ASXL3: variants seen among roughly 807,000 people sequenced by gnomAD.
ASXL3 encodes the protein putative Polycomb group protein ASXL3.
A neutral mutation model predicts 170.6 loss-of-function variants in ASXL3; 34 were observed. The ratio of observed to expected loss-of-function variants is 0.20; its 90% CI spans 0.15 to 0.27. ASXL3 has a LOEUF of 0.27. ASXL3 is among the 10% of genes least tolerant of loss of function. The probability of loss-of-function intolerance (pLI) is 1.00; values close to 1 mark genes in which losing one functional copy is unlikely to be tolerated. For synonymous variants in ASXL3, 1,002 were observed against 989.1 expected (o/e 1.01, Z -0.24); for missense variants, 2,592 against 2,695.3 (o/e 0.96, Z 0.85).
Position 33,738,852 on chromosome 18 carries a change from T to C in ASXL3, c.1448T>C (p.Leu483Pro), listed in dbSNP as rs1295480954. ...IPEFSEEAES[L>P]TNSHEEPQIA... ...GAATTTTCTGAGGAGGCTGAAAGTC[T>C]AACCAATTCTCATGAAGAACCCCAA... Residue 483 changes from leucine (L) to proline (P), a missense_variant, in exon 11 of 12, where the codon CTA becomes CCA. Leu to Pro is a moderately conservative substitution (Grantham distance 98, BLOSUM62 -3). Coordinates refer to ENST00000269197, the MANE Select transcript of ASXL3 (RefSeq NM_030632.3). 6.2e-7 allele frequency: 1 copy of C among 1,613,554 alleles called. No individual in the cohort carries two copies. The highest frequency in any genetic ancestry group is 2.2e-5 in the East Asian group (1 of 44,894).
intron 4 of ASXL3, 50 bp downstream of exon 4, chr18:33,646,403 T>A: frequency 7.6e-7 from 1 of 1,310,632 alleles, no homozygotes; most frequent in Non-Finnish European, 1.1e-6. Context: ...TTAAAAGTTA[T>A]ATAGAATGCC....
chr18:33,590,130 T>TTTTTTA (rs996027754), intron 1 of ASXL3, among the ~76,000 whole-genome samples: 2 of 139,724 alleles, frequency 1.4e-5, no homozygotes, highest in African/African-American at 5.8e-5. Flanking sequence ...TTTTTTTTTT[T>TTTTTTA]GCTTTGTTTT....
In ASXL3 at chr18:33,678,045, A is replaced by T. The variant is rs200672571; in HGVS notation, c.716-5360A>T. ...ACTGGGACTACAGGCATGCGCCATT[A>T]TGCCAATGTTAATTTTATTATTTAT... is the stretch of plus-strand genomic sequence containing the variant. On this transcript the variant is annotated intron_variant, in intron 7 of 11. Coordinates refer to ENST00000269197, the MANE Select transcript of ASXL3 (RefSeq NM_030632.3). Among the ~76,000 whole-genome samples the T allele has an allele frequency of 5.3e-5, 8 of 151,980 alleles. No homozygotes were observed. In the East Asian group the frequency reaches 1.5e-3, roughly 29 times the overall value.
chr18:33,693,461 A>G (rs1327943188), intron 8 of ASXL3, among the ~76,000 whole-genome samples: 3 of 152,208 alleles, frequency 2.0e-5, no homozygotes, highest in Non-Finnish European at 4.4e-5. Flanking sequence ...GAAGCAGGAA[A>G]GAAAGAGTAA....
In ASXL3 at chr18:33,744,914, C is replaced by T. The variant is rs571090157; in HGVS notation, c.5066C>T (p.Pro1689Leu). 1.2e-6 allele frequency: 2 copies of T among 1,614,010 alleles called. No homozygotes were observed. Among genetic ancestry groups the T allele is most frequent in the African/African-American group, 1.3e-5 (1 of 75,054 alleles). Residue 1689 changes from proline to leucine, a missense_variant, in exon 12 of 12, where the codon CCT (proline) becomes CTT (leucine). Pro to Leu is a moderately conservative substitution (Grantham distance 98, BLOSUM62 -3). This residue lies in a region of ASXL3 where 2,246 missense variants were observed against 2,219.6 expected (regional missense o/e 1.01). Coordinates refer to ENST00000269197, the MANE Select transcript of ASXL3 (RefSeq NM_030632.3). ...ATGGACACTGAAGACTTCCCTGGCC[C>T]TGAGCTGCCTCCTCCGGCTGCAGAG... is the stretch of plus-strand genomic sequence containing the variant. ...FRMDTEDFPG[P>L]ELPPPAAEGA... is the part of the protein sequence containing the mutation.
chr18:33,581,283 C>T (rs1017950682), intron 1 of ASXL3, among the ~76,000 whole-genome samples: 1 of 152,030 alleles, frequency 6.6e-6, no homozygotes, highest in Non-Finnish European at 1.5e-5. Context: ...GGGACTTTAG[C>T]CTTTTCTTCA....
At chr18:33,593,802 C>T (rs2065101022) in intron 1 of ASXL3, among the ~76,000 whole-genome samples, 1 of 152,118 alleles carries the variant, frequency 6.6e-6, no homozygotes, top group Non-Finnish European at 1.5e-5. Flanking sequence ...ATTCCTTTAT[C>T]TTTAAAATTT....
At chr18:33,595,019 A>G (rs917801116) in intron 1 of ASXL3, among the ~76,000 whole-genome samples, 8 of 152,172 alleles carry the variant, frequency 5.3e-5, no homozygotes, top group African/African-American at 1.9e-4. Flanking sequence ...ACAGGAACAC[A>G]CATTTTGCTT....
chr18:33,665,351 C>T (rs1187526561), intron 5 of ASXL3, among the ~76,000 whole-genome samples: 2 of 152,144 alleles, frequency 1.3e-5, no homozygotes, highest in Non-Finnish European at 2.9e-5. Flanking sequence ...ATATGTTTGA[C>T]CAATACTGTG....
In ASXL3 at chr18:33,644,975, T is replaced by C. The variant is rs766060251; in HGVS notation, c.219T>C (p.Pro73=). ...RIGDGTFFKI[P]GKSGLYALKK... ...GGGATGGAACATTCTTCAAAATCCC[T>C]GGAAAGTCAGGCCTCTATGCTCTCA... The change falls in exon 3 of 12, where the codon CCT becomes CCC. Residue 73 remains proline, a synonymous_variant. Coordinates refer to ENST00000269197, the MANE Select transcript of ASXL3 (RefSeq NM_030632.3). 6.4e-7 allele frequency: 1 copy of C among 1,571,150 alleles called. No individual in the cohort carries two copies. Among genetic ancestry groups the C allele is most frequent in the South Asian group, 1.2e-5 (1 of 85,512 alleles).
At chr18:33,724,136 A>C (rs534258953) in intron 8 of ASXL3, among the ~76,000 whole-genome samples, 2 of 152,246 alleles carry the variant, frequency 1.3e-5, no homozygotes, top group African/African-American at 2.4e-5. Flanking sequence ...TGAATTTGCA[A>C]TGTCTTTGTG....
intron 5 of ASXL3, among the ~76,000 whole-genome samples, chr18:33,664,343 A>G (rs567061909): frequency 6.6e-6 from 1 of 152,184 alleles, no homozygotes; most frequent in Non-Finnish European, 1.5e-5. Flanking sequence ...TTTTGATGCT[A>G]TCCAAGAAAA....
rs953038594 is a variant in ASXL3 at position 33,609,008 on chromosome 18, A to G, written c.137+1332A>G. ...TTGCCTACGCTGGAGAAATAGCCTA[A>G]GATAATATAACCACGCTGTGTTTGT... On this transcript the variant is annotated intron_variant, in intron 2 of 11. Transcript: ENST00000269197. The G allele has an allele frequency of 3.0e-6, 3 of 984,678 alleles. No individual in the cohort carries two copies. In the Admixed American group the frequency reaches 1.9e-4, roughly 61 times the overall value. The allele number at this position is 984,678 out of a possible 1,614,324, so 61.0% of individuals were successfully genotyped here.
At chr18:33,605,380 A>G (rs1367662263) in intron 1 of ASXL3, 2 of 152,178 alleles carry the variant, frequency 1.3e-5, no homozygotes, top group African/African-American at 2.4e-5. Context: ...AGCTCAATCA[A>G]TAAAGCTTGT....
chr18:33,735,811 T>A (rs879836435), intron 10 of ASXL3, among the ~76,000 whole-genome samples: 131 of 152,174 alleles, frequency 8.6e-4, no homozygotes, highest in Admixed American at 3.9e-3. Context: ...TAATTTAATG[T>A]ATTTATCTAA....
At chr18:33,697,907 C>G (rs1319520631) in intron 8 of ASXL3, among the ~76,000 whole-genome samples, 1 of 152,104 alleles carries the variant, frequency 6.6e-6, no homozygotes, top group Non-Finnish European at 1.5e-5. Flanking sequence ...CTATGATACT[C>G]TGTCTTCTCC....
At chr18:33,599,297 C>T (rs1446792508) in intron 1 of ASXL3, among the ~76,000 whole-genome samples, 1 of 152,096 alleles carries the variant, frequency 6.6e-6, no homozygotes, top group Non-Finnish European at 1.5e-5. Context: ...TGATATAAGT[C>T]TGTTTATTGT....
At position 33,745,555 on chromosome 18, in the gene ASXL3, T is replaced by C. The variant is rs757838519; in HGVS notation, c.5707T>C (p.Ser1903Pro). 9.9e-6 allele frequency: 16 copies of C among 1,613,790 alleles called. No individual in the cohort carries two copies. In the South Asian group the frequency reaches 1.8e-4, roughly 18 times the overall value. ...CAAACAGCAAAAGCGGCTGCTCCCC[T>C]CGTGTAGCTTCCAGCAGAACCTATT... Reference protein sequence around the residue: ...EVKQQKRLLPSCSFQQNLFHV... With the variant: ...EVKQQKRLLPPCSFQQNLFHV... Residue 1903 changes from serine (S) to proline (P), a missense_variant, in exon 12 of 12, where the codon TCG becomes CCG. Physicochemically the swap from Ser to Pro is moderately conservative, Grantham distance 74. Transcript: ENST00000269197.
In ASXL3 at chr18:33,614,948, G is replaced by A. The variant is rs572125227; in HGVS notation, c.137+7272G>A. The A allele has an allele frequency of 2.0e-5, 3 of 152,150 alleles. No individual in the cohort carries two copies. The East Asian group carries it at 5.8e-4, about 30-fold the overall frequency. 9.4% of individuals were successfully genotyped at this position (152,150 alleles called of 1,614,324 possible). A position where few individuals can be genotyped will look rare whatever the true frequency, so the allele number is the denominator to read the frequency against. On this transcript the variant is annotated intron_variant, in intron 2 of 11. Transcript: ENST00000269197. ...TTTATAGAGTACAGGTGTAGCAGAT[G>A]TAACATAATGTTTAAGTGCTCTGGG...
Sources: allele counts gnomAD v4.1 joint callset (sites outside exome capture counted in the v4.1 genomes callset), GRCh38; gene constraint gnomAD v4.1.1; regional missense constraint gnomAD v4.1.1; transcripts MANE v1.5; gene names NCBI Gene and HGNC (gene_info 2026-07-23, HGNC 2026-07-21).